Variants in NELL1 observed in about 807,000 individuals in gnomAD.
NELL1 encodes neural EGFL like 1.
Under a neutral mutation model 107.4 loss-of-function variants are expected in NELL1, and 76 were observed. The ratio of observed to expected loss-of-function variants is 0.71; its 90% CI spans 0.59 to 0.86. The LOEUF (loss-of-function observed/expected upper bound fraction) is 0.86. Among genes scored for constraint, NELL1 ranks in the 40% least tolerant of loss-of-function variants. The pLI is 0.00. For missense variants in NELL1, 1,024 were observed against 1,005.5 expected, an observed-to-expected ratio of 1.02 and a Z score of -0.25; for synonymous variants, 353 against 341.2, an observed-to-expected ratio of 1.03 and a Z score of -0.38.
chr11:21,300,465 T>C (rs943343630), intron 14 of NELL1, among the ~76,000 whole-genome samples: 2 of 151,950 alleles, frequency 1.3e-5, no homozygotes, highest in Non-Finnish European at 2.9e-5. Context: ...TGAAGAGTGA[T>C]GAGAAGTGGT....
intron 11 of NELL1, among the ~76,000 whole-genome samples, chr11:20,952,436 C>T (rs183278830): frequency 1.3e-5 from 2 of 152,238 alleles, no homozygotes; most frequent in South Asian, 2.1e-4. Flanking sequence ...TTCCTCCCAC[C>T]CAGTCTTCCT....
At chr11:21,447,548 G>A (rs905774616) in intron 15 of NELL1, among the ~76,000 whole-genome samples, 1 of 152,164 alleles carries the variant, frequency 6.6e-6, no homozygotes, top group Admixed American at 6.5e-5. Flanking sequence ...TCTGCCCAAT[G>A]CCCTATCCTA....
intron 2 of NELL1, among the ~76,000 whole-genome samples, chr11:20,731,073 T>A (rs375302123): frequency 6.7e-5 from 6 of 89,620 alleles, no homozygotes; most frequent in African/African-American, 2.2e-4. Flanking sequence ...TCGGTATGTA[T>A]GAGTCAGGAT....
intron 3 of NELL1, among the ~76,000 whole-genome samples, chr11:20,823,370 C>G (rs182526649): frequency 2.6e-5 from 4 of 151,188 alleles, no homozygotes; most frequent in African/African-American, 7.3e-5. Context: ...CACTGGGTCT[C>G]TCCCACAACA....
chr11:21,556,845 A>T (rs1003939417), intron 16 of NELL1, among the ~76,000 whole-genome samples: 3 of 151,996 alleles, frequency 2.0e-5, no homozygotes, highest in African/African-American at 4.8e-5. Flanking sequence ...TATTTACAAT[A>T]AGAAAAACAA....
intron 13 of NELL1, among the ~76,000 whole-genome samples, chr11:21,162,792 A>C (rs1856401430): frequency 6.6e-6 from 1 of 152,190 alleles, no homozygotes; most frequent in African/African-American, 2.4e-5. Context: ...TACTATGGAC[A>C]ACAATCACTA....
intron 13 of NELL1, among the ~76,000 whole-genome samples, chr11:21,223,172 T>TTC (rs150520314): frequency 0.013 from 1,979 of 150,824 alleles, 27 homozygotes; most frequent in Middle Eastern, 0.031. Context: ...TTGGAATCTC[T>TTC]TCTCTCTCTC....
rs984943798 is a variant in NELL1 at position 21,470,263 on chromosome 11, A to G, written c.1646-64111A>G. On this transcript the variant is annotated intron_variant, in intron 15 of 19. Transcript: ENST00000357134. ...TATCTAAAATTCAAATACTTTTCTA[A>G]TTAAAAACATCAATGGCTCCCTTTG... Among the ~76,000 whole-genome samples the G allele has an allele frequency of 6.6e-5, 10 of 152,030 alleles. No homozygotes were observed. The East Asian group carries it at 1.9e-3, about 29-fold the overall frequency.
intron 1 of NELL1, among the ~76,000 whole-genome samples, chr11:20,675,890 G>C (rs1345850213): frequency 2.6e-5 from 4 of 151,912 alleles, no homozygotes; most frequent in African/African-American, 9.7e-5. Flanking sequence ...TGGGACCATA[G>C]GTGTACGCCA....
intron 13 of NELL1, among the ~76,000 whole-genome samples, chr11:21,198,436 G>A (rs1356118477): frequency 6.6e-6 from 1 of 152,190 alleles, no homozygotes; most frequent in Non-Finnish European, 1.5e-5. Context: ...TAGGGACTGG[G>A]AGATATTATG....
At chr11:20,968,565 G>C (rs1013007551) in intron 12 of NELL1, among the ~76,000 whole-genome samples, 6 of 152,168 alleles carry the variant, frequency 3.9e-5, no homozygotes, top group Non-Finnish European at 8.8e-5. Flanking sequence ...GAACGTCACT[G>C]CCTTTATTTG....
intron 12 of NELL1, among the ~76,000 whole-genome samples, chr11:21,094,389 T>C (rs1356286787): frequency 6.6e-6 from 1 of 152,210 alleles, no homozygotes. Context: ...AGGCACATAG[T>C]GCAAGCTGTT....
intron 14 of NELL1, among the ~76,000 whole-genome samples, chr11:21,354,539 T>G (rs1194326127): frequency 3.3e-5 from 5 of 152,174 alleles, no homozygotes; most frequent in African/African-American, 4.8e-5. Context: ...GGGCTAGCTA[T>G]CTAACTTTTC....
At chr11:20,804,217 T>TG (rs1265874148) in intron 3 of NELL1, among the ~76,000 whole-genome samples, 1 of 152,110 alleles carries the variant, frequency 6.6e-6, no homozygotes, top group Non-Finnish European at 1.5e-5. Flanking sequence ...TTTCAAAAAT[T>TG]TTTTTCAATT....
intron 3 of NELL1, among the ~76,000 whole-genome samples, chr11:20,817,275 T>C (rs1857643237): frequency 6.6e-6 from 1 of 152,068 alleles, no homozygotes; most frequent in Non-Finnish European, 1.5e-5. Context: ...GTCTAGGGCT[T>C]TTTTTTGCTT....
At chr11:21,077,917 CA>C in intron 12 of NELL1, among the ~76,000 whole-genome samples, 1 of 152,078 alleles carries the variant, frequency 6.6e-6, no homozygotes, top group Admixed American at 6.6e-5. Context: ...ACAACCACAG[CA>C]GTGTTTCTCA....
At chr11:20,758,914 A>G (rs981272777) in intron 2 of NELL1, among the ~76,000 whole-genome samples, 1 of 152,218 alleles carries the variant, frequency 6.6e-6, no homozygotes, top group Non-Finnish European at 1.5e-5. Flanking sequence ...CTAGGTAATA[A>G]GTACTTAAAA....
chr11:20,928,182 AGAAAAGTAATT>A (rs1265614618), intron 8 of NELL1, among the ~76,000 whole-genome samples, 184 bp from the exon 9 acceptor site: 3 of 152,336 alleles, frequency 2.0e-5, no homozygotes, highest in African/African-American at 7.2e-5. Context: ...GATGTATTTC[AGAAAAGTAATT>A]GAGGTGGTAC....
At chr11:21,140,392 G>T (rs182662694) in intron 13 of NELL1, among the ~76,000 whole-genome samples, 1 of 152,226 alleles carries the variant, frequency 6.6e-6, no homozygotes, top group African/African-American at 2.4e-5. Flanking sequence ...GAATACAAAT[G>T]TGAGAGTTTA....
Sources: allele counts gnomAD v4.1 joint callset (sites outside exome capture counted in the v4.1 genomes callset), GRCh38; gene constraint gnomAD v4.1.1; transcripts MANE v1.5; gene names NCBI Gene and HGNC (gene_info 2026-07-23, HGNC 2026-07-21).